NHEJ1: variants seen among roughly 807,000 people sequenced by gnomAD.
NHEJ1 encodes the protein non-homologous end-joining factor 1.
In NHEJ1, 22 loss-of-function variants were observed where a neutral mutation model predicts 39.4. The ratio of observed to expected loss-of-function variants is 0.56; its 90% confidence interval spans 0.40 to 0.80. The LOEUF (loss-of-function observed/expected upper bound fraction) is 0.80. Among genes scored for constraint, NHEJ1 ranks in the 30% least tolerant of loss-of-function variants. The pLI is 0.00. For missense variants in NHEJ1, 329 were observed against 357.1 expected (o/e 0.92, Z 0.63); for synonymous variants, 154 against 135.6 (o/e 1.14, Z -0.94).
chr2:219,160,630 A>T (rs1324324350), intron 1 of NHEJ1, 90 bp downstream of exon 1: 1 of 142,072 alleles, frequency 7.0e-6, no homozygotes, highest in Non-Finnish European at 1.5e-5. Flanking sequence ...CCCTCCAGGG[A>T]GAAAAGGCCA....
chr2:219,158,262 T>G lies in NHEJ1; in HGVS notation c.101A>C (p.Tyr34Ser), dbSNP rs1949876788. ...LAKVFITKQG[Y>S]ALLVSDLQQV... ...TTGAAGATCTGAAACCAACAAGGCA[T>G]AGCCCTGCTTGGTGATAAAAACCTT... is the stretch of plus-strand genomic sequence containing the variant. The change falls in exon 2 of 8, where the codon TAT (tyrosine) becomes TCT (serine). Residue 34 changes from tyrosine to serine, a missense_variant. By Grantham distance (144) the Tyr-to-Ser change is moderately radical (BLOSUM62 -2). Transcript: ENST00000356853. 1 of 1,614,226 alleles carries G rather than the reference T, an allele frequency of 6.2e-7. No homozygotes were observed. The highest frequency in any genetic ancestry group is 8.5e-7 in the Non-Finnish European group (1 of 1,180,040).
Position 219,111,856 on chromosome 2 carries a change from C to T in NHEJ1, c.589-33650G>A, listed in dbSNP as rs992989501. Among the ~76,000 whole-genome samples, 5 of 152,200 alleles carry T rather than the reference C, an allele frequency of 3.3e-5. No homozygotes were observed. Among genetic ancestry groups the T allele is most frequent in the South Asian group, 2.1e-4 (1 of 4,838 alleles). On this transcript the variant is annotated intron_variant, in intron 5 of 7. Coordinates refer to ENST00000356853, the MANE Select transcript of NHEJ1 (RefSeq NM_024782.3). This position sits in a 1 kb window ranked among gnomAD's most constrained non-coding sequence, Gnocchi z 4.1. ...AATGGGACTGACCACAGCTGCCCCA[C>T]GCGCTTGGCCAGCATCATGGCAGGA...
chr2:219,103,028 A>AC (rs1949279412), intron 5 of NHEJ1, among the ~76,000 whole-genome samples: 2 of 148,160 alleles, frequency 1.3e-5, no homozygotes, highest in Non-Finnish European at 3.0e-5. Context: ...AAAAAAAAAA[A>AC]AAATTAGCCA....
chr2:219,097,579 T>A (rs538452061), intron 5 of NHEJ1, among the ~76,000 whole-genome samples: 2 of 152,188 alleles, frequency 1.3e-5, no homozygotes, highest in Non-Finnish European at 1.5e-5. Flanking sequence ...CTCCGCTATG[T>A]CTGGCTCAAC....
chr2:219,148,914 G>A (rs1047404988), intron 3 of NHEJ1, among the ~76,000 whole-genome samples: 5 of 150,214 alleles, frequency 3.3e-5, no homozygotes, highest in Admixed American at 6.6e-5. Flanking sequence ...AAGGAGTTTC[G>A]CTCATGTTGC....
chr2:219,084,498 T>C (rs1048259820), intron 5 of NHEJ1, among the ~76,000 whole-genome samples: 4 of 152,172 alleles, frequency 2.6e-5, no homozygotes, highest in Admixed American at 2.6e-4. Flanking sequence ...CTGTCCCCCA[T>C]CACCACACTA....
At chr2:219,158,607 G>GA (rs980160123) in intron 1 of NHEJ1, among the ~76,000 whole-genome samples, 4 of 151,960 alleles carry the variant, frequency 2.6e-5, no homozygotes, top group Admixed American at 2.6e-4. Flanking sequence ...CTAGAGGACA[G>GA]AAAATCTTTC....
intron 5 of NHEJ1, among the ~76,000 whole-genome samples, chr2:219,140,647 G>A (rs1949681784): frequency 1.3e-5 from 2 of 152,196 alleles, no homozygotes; most frequent in Non-Finnish European, 2.9e-5. Flanking sequence ...CAACTTAGAT[G>A]GGAGGGGGTT....
At chr2:219,114,822 T>A (rs1246127375) in intron 5 of NHEJ1, among the ~76,000 whole-genome samples, 1 of 152,148 alleles carries the variant, frequency 6.6e-6, no homozygotes, top group East Asian at 1.9e-4. Context: ...CCCTCTACTG[T>A]AGTCTCTGAA....
chr2:219,120,052 T>C (rs953310545), intron 5 of NHEJ1, among the ~76,000 whole-genome samples: 2 of 152,328 alleles, frequency 1.3e-5, no homozygotes, highest in Non-Finnish European at 2.9e-5. Context: ...CATGATCTAG[T>C]GTTTGTCATC....
intron 5 of NHEJ1, among the ~76,000 whole-genome samples, chr2:219,133,063 C>A (rs567427477): frequency 7.9e-5 from 12 of 152,260 alleles, no homozygotes; most frequent in Admixed American, 6.5e-4. Context: ...GAAAAAAATT[C>A]TTCTGGGACC....
intron 3 of NHEJ1, among the ~76,000 whole-genome samples, chr2:219,154,597 T>C (rs981281478): frequency 6.6e-6 from 1 of 152,158 alleles, no homozygotes; most frequent in Admixed American, 6.6e-5. Context: ...CTTACCCGTG[T>C]CCACTGGCTC....
chr2:219,098,382 A>C lies in NHEJ1; in HGVS notation c.589-20176T>G, dbSNP rs187920112. On this transcript the variant is annotated intron_variant, in intron 5 of 7. Transcript: ENST00000356853. Reference sequence around the variant, plus strand: ...TATAACAATCTTATAGAAAACAAAAACTTAGGGAGAGGAGAATTACCAGAG... The same window carrying C: ...TATAACAATCTTATAGAAAACAAAACCTTAGGGAGAGGAGAATTACCAGAG... 1.7e-3 allele frequency among the ~76,000 whole-genome samples: 253 copies of C among 152,290 alleles called. 7 individuals are homozygous for C. The highest frequency in any genetic ancestry group is 3.1e-3 in the Admixed American group (48 of 15,298).
chr2:219,089,055 G>A (rs1003490896), intron 5 of NHEJ1, among the ~76,000 whole-genome samples: 12 of 152,022 alleles, frequency 7.9e-5, no homozygotes, highest in African/African-American at 2.2e-4. Context: ...TCCTGACCTC[G>A]TGATCCGCCC....
intron 7 of NHEJ1, among the ~76,000 whole-genome samples, chr2:219,077,016 G>A (rs1949020072): frequency 6.6e-6 from 1 of 152,240 alleles, no homozygotes. Context: ...TAAGGTGAAA[G>A]AGGAGTCAAG....
At chr2:219,147,153 C>T (rs571486776) in intron 4 of NHEJ1, among the ~76,000 whole-genome samples, 1 of 152,196 alleles carries the variant, frequency 6.6e-6, no homozygotes, top group Non-Finnish European at 1.5e-5. Flanking sequence ...CTATTGGCCA[C>T]TTGGGCTCCA....
chr2:219,139,336 C>A (rs1949668241), intron 5 of NHEJ1, among the ~76,000 whole-genome samples: 1 of 152,186 alleles, frequency 6.6e-6, no homozygotes, highest in Non-Finnish European at 1.5e-5. Context: ...GATCTGCCCG[C>A]CTCAGCCTCC....
chr2:219,103,125 G>A (rs1574713508), intron 5 of NHEJ1, among the ~76,000 whole-genome samples: 1 of 147,018 alleles, frequency 6.8e-6, no homozygotes, highest in Non-Finnish European at 1.5e-5. Flanking sequence ...AGTTTGCAAT[G>A]AGCTGAGATC....
rs1039719427 is a variant in NHEJ1 at position 219,072,574 on chromosome 2, T to C, written c.*3807A>G. 6.6e-6 allele frequency among the ~76,000 whole-genome samples: 1 copy of C among 150,690 alleles called. No individual in the cohort carries two copies. The highest frequency in any genetic ancestry group is 1.5e-5 in the Non-Finnish European group (1 of 68,038). On this transcript the variant is annotated 3_prime_UTR_variant, in exon 8 of 8. Coordinates refer to ENST00000356853, the MANE Select transcript of NHEJ1 (RefSeq NM_024782.3). The stretch of plus-strand genomic sequence containing the variant: ...CATAAAATTATATTTGTTAATGGTA[T>C]AATATCCCTGAAGTGATATTTTCTG...
Sources: gnomAD v4.1 joint callset for allele counts (sites outside exome capture counted in the v4.1 genomes callset) on GRCh38, gnomAD v4.1.1 for gene constraint, Gnocchi (gnomAD v3.1) non-coding constraint, MANE v1.5 for transcripts, NCBI Gene and HGNC (gene_info 2026-07-23, HGNC 2026-07-21) for gene names.